The following TANC2 variants were observed in gnomAD, a reference collection of about 807,000 sequenced individuals.
TANC2 encodes the protein protein TANC2.
In TANC2, 26 loss-of-function variants were observed where a neutral mutation model predicts 210.5. The ratio of observed to expected loss-of-function variants is 0.12; its 90% CI spans 0.09 to 0.17. TANC2 has a LOEUF of 0.17. Among genes scored for constraint, TANC2 ranks in the 10% least tolerant of loss-of-function variants. TANC2 has a pLI of 1.00. For synonymous variants in TANC2, 931 were observed against 967.1 expected, an observed-to-expected ratio of 0.96 and a Z score of 0.69; for missense variants, 2,129 against 2,608.9, an observed-to-expected ratio of 0.82 and a Z score of 4.01.
At chr17:63,147,057 G>A (rs570071488) in intron 4 of TANC2, among the ~76,000 whole-genome samples, 2 of 152,240 alleles carry the variant, frequency 1.3e-5, no homozygotes, top group East Asian at 1.9e-4. Flanking sequence ...ATAGCCAGGC[G>A]TGGGTGGCTC....
chr17:63,121,349 A>G (rs1203110249), intron 4 of TANC2, among the ~76,000 whole-genome samples: 1 of 152,134 alleles, frequency 6.6e-6, no homozygotes, highest in Non-Finnish European at 1.5e-5. Context: ...CATTGTAGGC[A>G]TTAAGAAAAA....
At chr17:63,282,581 A>G (rs533646219) in intron 9 of TANC2, among the ~76,000 whole-genome samples, 7 of 152,226 alleles carry the variant, frequency 4.6e-5, no homozygotes, top group African/African-American at 1.7e-4. Context: ...TCTGACAGGT[A>G]TATGTTTAAC....
At chr17:63,036,613 T>C (rs2034980836) in intron 2 of TANC2, among the ~76,000 whole-genome samples, 1 of 152,176 alleles carries the variant, frequency 6.6e-6, no homozygotes, top group African/African-American at 2.4e-5. Context: ...TCTATATAAA[T>C]TTTAGAATCA....
intron 9 of TANC2, among the ~76,000 whole-genome samples, chr17:63,309,015 C>T (rs963162236): frequency 2.0e-5 from 3 of 151,962 alleles, no homozygotes; most frequent in Admixed American, 1.3e-4. Flanking sequence ...TTTTATTCTA[C>T]TGTTTTACTA....
chr17:63,140,295 A>G (rs913447871), intron 4 of TANC2, among the ~76,000 whole-genome samples: 1 of 152,244 alleles, frequency 6.6e-6, no homozygotes, highest in South Asian at 2.1e-4. Flanking sequence ...CAATTTCATT[A>G]GTCAGAATAG....
At chr17:63,390,046 T>A (rs1272126711) in intron 17 of TANC2, 1 of 171,142 alleles carries the variant, frequency 5.8e-6, no homozygotes, top group East Asian at 1.5e-4. Context: ...TCCCTATTTA[T>A]ACTCAGACTG....
At chr17:63,169,859 C>T (rs183839108) in intron 5 of TANC2, among the ~76,000 whole-genome samples, 35 of 151,730 alleles carry the variant, frequency 2.3e-4, no homozygotes, top group Non-Finnish European at 4.0e-4. Flanking sequence ...ATGGCAGGTG[C>T]GGAGGCTCAC....
intron 11 of TANC2, among the ~76,000 whole-genome samples, chr17:63,326,353 T>C (rs1039702531): frequency 2.0e-5 from 3 of 152,158 alleles, no homozygotes; most frequent in African/African-American, 7.2e-5. Flanking sequence ...TCTCACACCA[T>C]GCACAAGAAT....
intron 4 of TANC2, among the ~76,000 whole-genome samples, chr17:63,110,139 G>T (rs1303989309): frequency 6.6e-6 from 1 of 151,450 alleles, no homozygotes; most frequent in Non-Finnish European, 1.5e-5. Context: ...TTGAGAAATT[G>T]AATAGAAACT....
chr17:63,012,986 G>A (rs2033940430), intron 2 of TANC2, among the ~76,000 whole-genome samples: 1 of 152,044 alleles, frequency 6.6e-6, no homozygotes, highest in Admixed American at 6.6e-5. Context: ...ACTTTAGTGA[G>A]GAGTCATCTA....
intron 3 of TANC2, among the ~76,000 whole-genome samples, chr17:63,096,478 A>G (rs531872913): frequency 2.6e-5 from 4 of 152,148 alleles, no homozygotes; most frequent in Non-Finnish European, 5.9e-5. Context: ...TCTCCTGAAC[A>G]TTTCATATAA....
At chr17:63,209,728 C>T (rs987402265) in intron 7 of TANC2, among the ~76,000 whole-genome samples, 5 of 152,264 alleles carry the variant, frequency 3.3e-5, no homozygotes, top group African/African-American at 4.8e-5. Flanking sequence ...CCACTGCTCT[C>T]GGGCTAAAGG....
intron 8 of TANC2, among the ~76,000 whole-genome samples, chr17:63,242,149 T>C (rs574478822): frequency 1.3e-5 from 2 of 152,288 alleles, no homozygotes; most frequent in African/African-American, 4.8e-5. Context: ...TACTTTGCTC[T>C]TCTTAAACAG....
chr17:63,055,991 ATATATATATATAT>A (rs1397996777), intron 2 of TANC2, among the ~76,000 whole-genome samples: 1 of 9,604 alleles, frequency 1.0e-4, no homozygotes, highest in East Asian at 4.1e-3. Context: ...AAAAAAAAAA[ATATATATATATAT>A]ATATATATAT....
chr17:63,390,469 CAA>C (rs1482285964), intron 17 of TANC2: 1 of 152,166 alleles, frequency 6.6e-6, no homozygotes, highest in Admixed American at 6.5e-5. Context: ...CCTCTAGGAA[CAA>C]TGATAACTGG....
At chr17:63,328,632 G>A (rs1479944018) in intron 11 of TANC2, among the ~76,000 whole-genome samples, 1 of 151,530 alleles carries the variant, frequency 6.6e-6, no homozygotes, top group African/African-American at 2.4e-5. Flanking sequence ...GAGACTGGGA[G>A]TGTGAAGAAG....
intron 7 of TANC2, among the ~76,000 whole-genome samples, chr17:63,205,368 AAAAAC>A: frequency 6.7e-6 from 1 of 148,994 alleles, no homozygotes; most frequent in African/African-American, 2.5e-5. Flanking sequence ...AAAAAAAAAA[AAAAAC>A]CTCATACACC....
chr17:63,003,615 A>G (rs1049122075), intron 1 of TANC2, among the ~76,000 whole-genome samples: 1 of 152,336 alleles, frequency 6.6e-6, no homozygotes, highest in East Asian at 1.9e-4. Flanking sequence ...GCAGTTTTCC[A>G]TGTAATATTT....
At chr17:63,200,922 C>A (rs1323298996) in exon 7 of TANC2, 4 of 1,612,442 alleles carry the variant, frequency 2.5e-6, no homozygotes, top group African/African-American at 2.7e-5. Flanking sequence ...ACTAGTCCAA[C>A]CTCTACCCTT....
Sources: allele counts gnomAD v4.1 joint callset (sites outside exome capture counted in the v4.1 genomes callset), GRCh38; gene constraint gnomAD v4.1.1; transcripts MANE v1.5; gene names NCBI Gene and HGNC (gene_info 2026-07-23, HGNC 2026-07-21).